The following NRXN1 variants were observed in gnomAD, a reference collection of about 807,000 sequenced individuals.
NRXN1 encodes neurexin 1, also known as neurexin-1.
A neutral mutation model predicts 150.9 loss-of-function variants in NRXN1; 39 were observed. The ratio of observed to expected loss-of-function variants is 0.26; its 90% CI spans 0.20 to 0.34. The LOEUF (loss-of-function observed/expected upper bound fraction) is 0.34. Among genes scored for constraint, NRXN1 ranks in the 10% least tolerant of loss-of-function variants. The probability of loss-of-function intolerance (pLI) is 1.00; values close to 1 mark genes in which losing one functional copy is unlikely to be tolerated. For missense variants in NRXN1, 1,815 were observed against 1,949.9 expected (o/e 0.93, Z 1.30); for synonymous variants, 924 against 757.0 (o/e 1.22, Z -3.62).
intron 17 of NRXN1, among the ~76,000 whole-genome samples, chr2:50,434,301 C>T (rs998789855): frequency 6.6e-6 from 1 of 151,766 alleles, no homozygotes; most frequent in Non-Finnish European, 1.5e-5. Flanking sequence ...CCAGGATGGT[C>T]TCGATCTCCT....
intron 8 of NRXN1, among the ~76,000 whole-genome samples, chr2:50,603,725 T>C (rs955200115): frequency 1.3e-5 from 2 of 152,146 alleles, no homozygotes; most frequent in African/African-American, 4.8e-5. Flanking sequence ...AATATTATTG[T>C]AGAGAGGGAC....
intron 17 of NRXN1, among the ~76,000 whole-genome samples, chr2:50,277,475 T>G (rs114696951): frequency 0.037 from 3,181 of 86,586 alleles, 643 homozygotes; most frequent in African/African-American, 0.13. Context: ...CTTCCCTTCT[T>G]TTTCCTTCCT....
intron 18 of NRXN1, among the ~76,000 whole-genome samples, chr2:50,159,553 CT>C (rs1314469389): frequency 6.6e-6 from 1 of 152,088 alleles, no homozygotes; most frequent in African/African-American, 2.4e-5. Context: ...AATAAGCATG[CT>C]TATGTCATTA....
rs2085137477 is a variant in NRXN1, at chr2:50,433,329, T to C, written c.3364+32113A>G. On this transcript the variant is annotated intron_variant, in intron 17 of 22. Transcript: ENST00000401669. ...TCTGATTCACATGTCAATAAACATT[T>C]CTTGAAATTTAAATATATGAGTGCA... Among the ~76,000 whole-genome samples, 3 of 152,228 alleles carry C rather than the reference T, an allele frequency of 2.0e-5. No homozygotes were observed. In the South Asian group the frequency reaches 6.2e-4, roughly 32 times the overall value.
intron 12 of NRXN1, among the ~76,000 whole-genome samples, chr2:50,521,634 C>T (rs940995507): frequency 1.3e-5 from 2 of 152,158 alleles, no homozygotes; most frequent in African/African-American, 4.8e-5. Context: ...GCCCACTTGA[C>T]TTATGTACCA....
chr2:50,809,649 A>C (rs940231509), intron 5 of NRXN1, among the ~76,000 whole-genome samples: 15 of 152,264 alleles, frequency 9.9e-5, no homozygotes, highest in Non-Finnish European at 1.8e-4. Context: ...TTCTAACCTA[A>C]AAGAACCCAA....
intron 8 of NRXN1, among the ~76,000 whole-genome samples, chr2:50,610,375 A>G (rs1677840446): frequency 6.6e-6 from 1 of 151,792 alleles, no homozygotes; most frequent in African/African-American, 2.4e-5. Context: ...CCCATACAAT[A>G]TCATGCCCAG....
chr2:50,740,963 A>G (rs1050551307), intron 5 of NRXN1, among the ~76,000 whole-genome samples: 1 of 152,142 alleles, frequency 6.6e-6, no homozygotes, highest in Non-Finnish European at 1.5e-5. Context: ...ATGATCACCA[A>G]CATTTTCATG....
intron 2 of NRXN1, among the ~76,000 whole-genome samples, chr2:50,979,644 T>C (rs1447781268): frequency 3.9e-5 from 6 of 152,118 alleles, no homozygotes; most frequent in Non-Finnish European, 5.9e-5. Context: ...GGGCTTGCTC[T>C]GTGTCTCAGT....
rs116286279 is a variant in NRXN1 at position 50,245,789 on chromosome 2, G to T, written c.3365-8819C>A. 1.5e-3 allele frequency among the ~76,000 whole-genome samples: 221 copies of T among 151,554 alleles called. 1 individual carries two copies. Among genetic ancestry groups the T allele is most frequent in the African/African-American group, 5.3e-3 (220 of 41,384 alleles). ...TGACATAAACATAGAACTTACTGCC[G>T]AAATACTCTTGGAGAAAAGTGAGTA... On this transcript the variant is annotated intron_variant, in intron 17 of 22. Transcript: ENST00000401669.
At chr2:50,203,557 C>A (rs1464467579) in intron 18 of NRXN1, among the ~76,000 whole-genome samples, 1 of 152,126 alleles carries the variant, frequency 6.6e-6, no homozygotes, top group African/African-American at 2.4e-5. Flanking sequence ...GTCTACTCCA[C>A]ACAGGTATAA....
intron 17 of NRXN1, among the ~76,000 whole-genome samples, chr2:50,269,150 T>C (rs867167991): frequency 1.3e-5 from 2 of 152,212 alleles, no homozygotes; most frequent in Non-Finnish European, 2.9e-5. Context: ...ACTAATATTG[T>C]GCAAGAATCT....
intron 17 of NRXN1, among the ~76,000 whole-genome samples, chr2:50,246,825 CTAT>C (rs1400883981): frequency 6.6e-6 from 1 of 151,992 alleles, no homozygotes; most frequent in Non-Finnish European, 1.5e-5. Context: ...AATTTTTGAA[CTAT>C]TATAATATAT....
At chr2:50,053,792 AT>A (rs1463089604) in intron 20 of NRXN1, among the ~76,000 whole-genome samples, 2 of 152,202 alleles carry the variant, frequency 1.3e-5, no homozygotes, top group Non-Finnish European at 2.9e-5. Context: ...TTCTCAACTT[AT>A]TATAAATGTA....
intron 21 of NRXN1, among the ~76,000 whole-genome samples, chr2:49,954,442 G>A (rs544750343): frequency 6.6e-6 from 1 of 152,216 alleles, no homozygotes; most frequent in Admixed American, 6.5e-5. Flanking sequence ...TCATTAGATT[G>A]TGAGAACCTG....
At chr2:50,840,487 T>A (rs1229693457) in intron 5 of NRXN1, among the ~76,000 whole-genome samples, 1 of 152,094 alleles carries the variant, frequency 6.6e-6, no homozygotes, top group African/African-American at 2.4e-5. Context: ...AGAGAGATTA[T>A]GACAATGAAA....
At chr2:50,030,380 G>A (rs1283398473) in intron 21 of NRXN1, among the ~76,000 whole-genome samples, 1 of 152,104 alleles carries the variant, frequency 6.6e-6, no homozygotes, top group Non-Finnish European at 1.5e-5. Context: ...GAAAGATAGT[G>A]CCCCCATCTC....
chr2:50,968,479 T>C (rs1388774588), intron 2 of NRXN1, among the ~76,000 whole-genome samples: 1 of 152,024 alleles, frequency 6.6e-6, no homozygotes, highest in Non-Finnish European at 1.5e-5. Flanking sequence ...CTCCATATAA[T>C]GTTCTTCTCC....
chr2:49,979,059 G>A (rs1204507657), intron 21 of NRXN1, among the ~76,000 whole-genome samples: 2 of 152,132 alleles, frequency 1.3e-5, no homozygotes, highest in Non-Finnish European at 1.5e-5. Flanking sequence ...AGTTCTTTGG[G>A]AGGCCGAAGC....
Sources: allele counts gnomAD v4.1 joint callset (sites outside exome capture counted in the v4.1 genomes callset), GRCh38; gene constraint gnomAD v4.1.1; transcripts MANE v1.5; gene names NCBI Gene and HGNC (gene_info 2026-07-23, HGNC 2026-07-21).